The following PUM3 variants were observed in gnomAD, a reference collection of about 807,000 sequenced individuals.
PUM3 encodes the protein pumilio homolog 3.
Under a neutral mutation model 84.0 loss-of-function variants are expected in PUM3, and 91 were observed. The ratio of observed to expected loss-of-function variants is 1.08; its 90% CI spans 0.91 to 1.29. The LOEUF is 1.29. PUM3 is among the 50% of genes most tolerant of loss of function. The pLI, the probability that PUM3 is intolerant of heterozygous loss-of-function variation, is 0.00. For synonymous variants in PUM3, 321 were observed against 266.7 expected, an observed-to-expected ratio of 1.20 and a Z score of -1.98; for missense variants, 1,067 against 767.5, an observed-to-expected ratio of 1.39 and a Z score of -4.61.
chr9:2,808,138 A>G (rs542931771), intron 16 of PUM3, among the ~76,000 whole-genome samples: 4 of 152,378 alleles, frequency 2.6e-5, no homozygotes, highest in Admixed American at 6.5e-5. Flanking sequence ...TTTAGCAGTA[A>G]TTACTCAAGA....
At chr9:2,831,679 G>A (rs572547362) in intron 5 of PUM3, among the ~76,000 whole-genome samples, 16 of 152,204 alleles carry the variant, frequency 1.1e-4, no homozygotes, top group East Asian at 9.6e-4. Flanking sequence ...ATAAGTTACC[G>A]TCCCTAAAAG....
At chr9:2,809,559 C>G (rs1468065408) in intron 16 of PUM3, among the ~76,000 whole-genome samples, 2 of 152,136 alleles carry the variant, frequency 1.3e-5, no homozygotes, top group Non-Finnish European at 2.9e-5. Context: ...CACTAGCCAT[C>G]AGAGCTGCCA....
chr9:2,843,919 C>T (rs1443340297), intron 1 of PUM3, 126 bp downstream of exon 1: 1 of 153,598 alleles, frequency 6.5e-6, no homozygotes, highest in Non-Finnish European at 1.4e-5. Context: ...TCCCAAACTC[C>T]TAGCCCAGAA....
chr9:2,843,072 A>C (rs753275802), intron 1 of PUM3, among the ~76,000 whole-genome samples: 1 of 152,218 alleles, frequency 6.6e-6, no homozygotes, highest in Non-Finnish European at 1.5e-5. Flanking sequence ...TTTTCTAAAG[A>C]GAACCAGGGC....
chr9:2,809,748 G>C (rs1340347104), intron 16 of PUM3, among the ~76,000 whole-genome samples: 4 of 152,194 alleles, frequency 2.6e-5, no homozygotes, highest in Non-Finnish European at 5.9e-5. Context: ...GGAATGGCAT[G>C]CAAATGCTAA....
intron 7 of PUM3, 97 bp from the exon 8 acceptor site, chr9:2,830,045 C>G (rs769268700): frequency 4.7e-5 from 49 of 1,035,608 alleles, no homozygotes; most frequent in Admixed American, 6.0e-5. Flanking sequence ...ACTCATCAAT[C>G]TGTGTCACTC....
At chr9:2,818,187 T>C (rs1179011656) in intron 13 of PUM3, among the ~76,000 whole-genome samples, 1 of 152,226 alleles carries the variant, frequency 6.6e-6, no homozygotes, top group Non-Finnish European at 1.5e-5. Context: ...CAAGGGCAAT[T>C]AGCATTCCAG....
At position 2,830,947 on chromosome 9, in the gene PUM3, C is replaced by T. The variant is rs567992683; in HGVS notation, c.677+15G>A. 2.4e-6 allele frequency: 3 copies of T among 1,250,654 alleles called. No homozygotes were observed. Among genetic ancestry groups the T allele is most frequent in the African/African-American group, 3.0e-5 (2 of 67,368 alleles). 77.5% of individuals were successfully genotyped at this position (1,250,654 alleles called of 1,614,324 possible). A position where few individuals can be genotyped will look rare whatever the true frequency, so the allele number is the denominator to read the frequency against. On this transcript the variant is annotated intron_variant, in intron 7 of 17. Transcript: ENST00000397885. Reference sequence around the variant, plus strand: ...AGACAAAGAAAAAATGTATTTTATACATAAAACAACTTACCCATACATGAG... The same window carrying T: ...AGACAAAGAAAAAATGTATTTTATATATAAAACAACTTACCCATACATGAG...
rs1815920943 is a variant in PUM3, at chr9:2,829,757, A to G, written c.852+17T>C. On this transcript the variant is annotated intron_variant, in intron 8 of 17. Coordinates refer to ENST00000397885, the MANE Select transcript of PUM3 (RefSeq NM_014878.5). ...CGAAAAGTAAAAATACTAGAAAAAG[A>G]CTTCTGGAGATGTCACCTTGTAAAG... 6.3e-7 allele frequency: 1 copy of G among 1,590,298 alleles called. No individual in the cohort carries two copies.
chr9:2,825,038 A>G (rs1006853041), intron 10 of PUM3, among the ~76,000 whole-genome samples: 7 of 152,250 alleles, frequency 4.6e-5, no homozygotes, highest in Non-Finnish European at 2.9e-5. Context: ...GACAATATCT[A>G]TTAAAAACAA....
rs148383025 is a variant in PUM3, at chr9:2,824,796, C to G, written c.1055G>C (p.Arg352Pro). Reference sequence around the variant, plus strand: ...GTGTGCCAGGTAGACCACCGCTTCGCGGATGGCTTCAATCATTTCCTAGGG... The same window carrying G: ...GTGTGCCAGGTAGACCACCGCTTCGGGGATGGCTTCAATCATTTCCTAGGG... ...KLRSEMIEAI[R>P]EAVVYLAHTH... is the part of the protein sequence containing the mutation. The change falls in exon 11 of 18, where the codon CGC becomes CCC. Residue 352 changes from arginine to proline, a missense_variant. Transcript: ENST00000397885. 1.3e-6 allele frequency: 2 copies of G among 1,571,950 alleles called. No individual in the cohort carries two copies. The highest frequency in any genetic ancestry group is 2.7e-5 in the African/African-American group (2 of 74,244).
At chr9:2,833,504 G>A (rs930426384) in intron 4 of PUM3, 72 bp from the exon 5 acceptor site, 28 of 804,104 alleles carry the variant, frequency 3.5e-5, no homozygotes, top group Non-Finnish European at 5.4e-5. Flanking sequence ...ATTAAAAACT[G>A]TACCAGTATA....
rs1216262640 is a variant in PUM3 at position 2,833,446 on chromosome 9, G to A, written c.441-14C>T. The A allele has an allele frequency of 1.4e-6, 2 of 1,442,522 alleles. No homozygotes were observed. The highest frequency in any genetic ancestry group is 2.8e-5 in the African/African-American group (2 of 70,900). 89.4% of individuals were successfully genotyped at this position (1,442,522 alleles called of 1,614,324 possible). ...TCACAGTCTTTTCTACAAATGAGGAGAGGAAGGAAACACAGTTGAAATAAA... is the reference window on the plus strand; with the variant it reads ...TCACAGTCTTTTCTACAAATGAGGAAAGGAAGGAAACACAGTTGAAATAAA... On this transcript the variant is annotated splice_polypyrimidine_tract_variant and intron_variant, in intron 4 of 17. Transcript: ENST00000397885.
intron 17 of PUM3, among the ~76,000 whole-genome samples, chr9:2,805,135 CT>C (rs1430642140): frequency 2.0e-5 from 3 of 152,246 alleles, no homozygotes; most frequent in Non-Finnish European, 2.9e-5. Flanking sequence ...CAGAGTCCAC[CT>C]TCCACCTCAC....
chr9:2,832,539 G>A (rs533245579), intron 5 of PUM3, among the ~76,000 whole-genome samples: 2 of 152,258 alleles, frequency 1.3e-5, no homozygotes, highest in African/African-American at 4.8e-5. Flanking sequence ...AAGCAGCCCA[G>A]CCAGGATTTG....
chr9:2,837,646 T>C (rs1816163860), intron 2 of PUM3, among the ~76,000 whole-genome samples: 3 of 152,138 alleles, frequency 2.0e-5, no homozygotes, highest in South Asian at 4.1e-4. Context: ...CTACCCATGA[T>C]TCTACCACTA....
rs999031180 is a variant in PUM3 at position 2,811,379 on chromosome 9, A to C, written c.1617T>G (p.Pro539=). Residue 539 remains proline, a synonymous_variant, in exon 15 of 18, where the codon CCT becomes CCG. Coordinates refer to ENST00000397885, the MANE Select transcript of PUM3 (RefSeq NM_014878.5). ...IASLAATGLH[P]GGKDGELHIA... The stretch of plus-strand genomic sequence containing the variant: ...ACATTACCTCTCCGTCCTTGCCACC[A>C]GGATGCAGTCCTGTTGCTGCCAAGC... 1 of 1,614,062 alleles carries C rather than the reference A, an allele frequency of 6.2e-7. No individual in the cohort carries two copies. Among genetic ancestry groups the C allele is most frequent in the Admixed American group, 1.7e-5 (1 of 60,016 alleles).
chr9:2,815,127 A>C (rs1309100496), intron 13 of PUM3, among the ~76,000 whole-genome samples: 1 of 152,226 alleles, frequency 6.6e-6, no homozygotes, highest in Admixed American at 6.5e-5. Flanking sequence ...GGAATTTAGA[A>C]TCTAAATTCG....
chr9:2,822,015 C>T (rs748019497), intron 12 of PUM3, among the ~76,000 whole-genome samples: 11 of 152,158 alleles, frequency 7.2e-5, no homozygotes, highest in Non-Finnish European at 1.2e-4. Context: ...TATAGAACAA[C>T]GTGCCTAGTA....
Sources: gnomAD v4.1 joint callset for allele counts (sites outside exome capture counted in the v4.1 genomes callset) on GRCh38, gnomAD v4.1.1 for gene constraint, MANE v1.5 for transcripts, NCBI Gene and HGNC (gene_info 2026-07-23, HGNC 2026-07-21) for gene names.